HERC2: variants seen among roughly 807,000 people sequenced by gnomAD.
The protein encoded by HERC2 is HECT and RLD domain containing E3 ubiquitin protein ligase 2.
A neutral mutation model predicts 537.7 loss-of-function variants in HERC2; 102 were observed. That is an observed-to-expected ratio of 0.19 (90% confidence interval 0.16 to 0.22). HERC2 has a LOEUF of 0.22. Ranked by LOEUF, HERC2 falls within the 10% of genes least tolerant of loss-of-function variation. HERC2 has a pLI of 1.00. For missense variants in HERC2, 4,236 were observed against 6,198.2 expected (o/e 0.68, Z 10.63); for synonymous variants, 2,224 against 2,466.2 (o/e 0.90, Z 2.91).
intron 8 of HERC2, 94 bp from the exon 9 acceptor site, chr15:28,272,480 G>T (rs2075762467): frequency 4.4e-6 from 5 of 1,137,008 alleles, no homozygotes; most frequent in Admixed American, 4.9e-5. Context: ...GGATAGAAGT[G>T]AACAAATACT....
chr15:28,313,308 G>A (rs563442640), intron 2 of HERC2, among the ~76,000 whole-genome samples: 1 of 152,088 alleles, frequency 6.6e-6, no homozygotes, highest in Admixed American at 6.5e-5. Context: ...CTCCCGAGTA[G>A]CTGGGACTAC....
rs186296662 is a variant in HERC2, at chr15:28,257,293, C to T, written c.2317-32G>A. 359 of 1,591,196 alleles carry T rather than the reference C, an allele frequency of 2.3e-4. No individual in the cohort carries two copies. Among genetic ancestry groups the T allele is most frequent in the Middle Eastern group, 1.3e-3 (8 of 6,022 alleles). On this transcript the variant is annotated intron_variant, in intron 16 of 92. Transcript: ENST00000261609. ...GGAAACGCAACAATCTAAAATGAAT[C>T]TCCAAATGCAGCTGCTGGTCTGCTC...
intron 69 of HERC2, among the ~76,000 whole-genome samples, chr15:28,158,251 T>C (rs1893216957): frequency 1.3e-5 from 2 of 152,314 alleles, no homozygotes; most frequent in South Asian, 2.1e-4. Context: ...GTCTATTAGG[T>C]TGGCTTGATG....
At chr15:28,247,708 G>A (rs1341605371) in intron 21 of HERC2, among the ~76,000 whole-genome samples, 4 of 151,974 alleles carry the variant, frequency 2.6e-5, no homozygotes, top group Non-Finnish European at 4.4e-5. Flanking sequence ...GATTACAGGC[G>A]TGAGCCACCA....
chr15:28,175,362 G>T (rs1895166771), intron 64 of HERC2, 150 bp downstream of exon 64: 4 of 793,834 alleles, frequency 5.0e-6, no homozygotes, highest in Non-Finnish European at 8.0e-6. Context: ...TGGGCAAAAG[G>T]AACAGGACCC....
At chr15:28,313,737 C>T (rs146412689) in intron 2 of HERC2, among the ~76,000 whole-genome samples, 1,989 of 152,052 alleles carry the variant, frequency 0.013, 26 homozygotes, top group Non-Finnish European at 0.019. Context: ...GTTCCTAGAA[C>T]AATTAGAAAG....
intron 69 of HERC2, among the ~76,000 whole-genome samples, chr15:28,154,515 A>G (rs1214061583): frequency 2.6e-5 from 4 of 152,188 alleles, no homozygotes; most frequent in Admixed American, 2.6e-4. Context: ...CCATGTGCAG[A>G]GTCGATCAGG....
At chr15:28,260,182 A>G (rs2075381325) in intron 16 of HERC2, among the ~76,000 whole-genome samples, 1 of 146,532 alleles carries the variant, frequency 6.8e-6, no homozygotes, top group South Asian at 2.1e-4. Flanking sequence ...TCCAAAAAAG[A>G]AAAAAAAAAA....
intron 19 of HERC2, 142 bp from the exon 20 acceptor site, chr15:28,254,660 T>C: frequency 1.8e-6 from 1 of 567,054 alleles, no homozygotes; most frequent in Non-Finnish European, 3.0e-6. Context: ...GGCCCCCATC[T>C]GCCTTGTTGG....
chr15:28,251,103 G>A (rs1369035906), intron 20 of HERC2, among the ~76,000 whole-genome samples: 1 of 152,138 alleles, frequency 6.6e-6, no homozygotes, highest in Non-Finnish European at 1.5e-5. Flanking sequence ...CACCTGCCGA[G>A]GACACCAATG....
intron 79 of HERC2, among the ~76,000 whole-genome samples, chr15:28,133,494 A>T (rs564105317): frequency 6.6e-6 from 1 of 152,094 alleles, no homozygotes; most frequent in Non-Finnish European, 1.5e-5. Context: ...ATGCTTTTGG[A>T]GTTCAATCTA....
chr15:28,259,690 C>T (rs1215916833), intron 16 of HERC2, among the ~76,000 whole-genome samples: 1 of 151,828 alleles, frequency 6.6e-6, no homozygotes, highest in Non-Finnish European at 1.5e-5. Context: ...CACAGTGGCT[C>T]ACACCTGTAA....
Position 28,168,572 on chromosome 15 carries a change from G to A in HERC2, c.10248C>T (p.Ala3416=). 6.2e-7 allele frequency: 1 copy of A among 1,613,940 alleles called. No individual in the cohort carries two copies. Among genetic ancestry groups the A allele is most frequent in the East Asian group, 2.2e-5 (1 of 44,880 alleles). ...GGGCGATCATGGCGGCCGGCATCAGGGCCCCGACAACAGCATCTCTGTCAG... is the reference window on the plus strand; with the variant it reads ...GGGCGATCATGGCGGCCGGCATCAGAGCCCCGACAACAGCATCTCTGTCAG... The part of the protein sequence containing the change: ...IMYARDAVVG[A]LMPAAMIAPV... The change falls in exon 67 of 93, where the codon GCC becomes GCT. Residue 3416 remains alanine, a synonymous_variant. Coordinates refer to ENST00000261609, the MANE Select transcript of HERC2 (RefSeq NM_004667.6).
Position 28,176,895 on chromosome 15 carries a change from CTT to C in HERC2, c.9432+53_9432+54del. ...TTCCTAGACTTGAAGCTTATTTTCT[CTT>C]GACATCTTCAGATGGTAAGCTTTCT... On this transcript the variant is annotated intron_variant, in intron 61 of 92. Transcript: ENST00000261609. This position sits in a 1 kb window ranked among gnomAD's most constrained non-coding sequence, Gnocchi z 5.0. 6.3e-7 allele frequency: 1 copy of C among 1,589,524 alleles called. No individual in the cohort carries two copies. Among genetic ancestry groups the C allele is most frequent in the Non-Finnish European group, 8.6e-7 (1 of 1,162,744 alleles).
chr15:28,270,809 T>C lies in HERC2; in HGVS notation c.1143A>G (p.Gln381=), dbSNP rs772699145. Residue 381 remains glutamine, a synonymous_variant, in exon 10 of 93, where the codon CAA becomes CAG. Transcript: ENST00000261609. The part of the protein sequence containing the change: ...ESFLRYLTLP[Q]DNELAIDLRQ... ...GCAGATCAATGGCAAGCTCGTTGTC[T>C]TGTGGAAGGGTGAGGTACCTCAGGA... The C allele has an allele frequency of 1.1e-5, 17 of 1,613,900 alleles. No individual in the cohort carries two copies. In the South Asian group the frequency reaches 1.9e-4, roughly 18 times the overall value.
In HERC2 at chr15:28,113,483, G is replaced by A; in HGVS notation, c.14019+90C>T. 8.2e-7 allele frequency: 1 copy of A among 1,220,882 alleles called. No homozygotes were observed. Among genetic ancestry groups the A allele is most frequent in the Non-Finnish European group, 1.2e-6 (1 of 833,086 alleles). The allele number at this position is 1,220,882 out of a possible 1,614,324, so 75.6% of individuals were successfully genotyped here. A position where few individuals can be genotyped will look rare whatever the true frequency, so the allele number is the denominator to read the frequency against. ...GCACTCCCTTCAGTCAACACACAGGGCAAGGTTCTGACTCTAACTGCTGTC... is the reference window on the plus strand; with the variant it reads ...GCACTCCCTTCAGTCAACACACAGGACAAGGTTCTGACTCTAACTGCTGTC... On this transcript the variant is annotated intron_variant, in intron 91 of 92. Coordinates refer to ENST00000261609, the MANE Select transcript of HERC2 (RefSeq NM_004667.6). The surrounding 1 kb of genome is among the most constrained non-coding windows in gnomAD (Gnocchi z 7.0).
chr15:28,321,177 C>T (rs1466904645), intron 2 of HERC2, among the ~76,000 whole-genome samples, 185 bp downstream of exon 2: 1 of 152,104 alleles, frequency 6.6e-6, no homozygotes, highest in Non-Finnish European at 1.5e-5. Context: ...TAAAAGGCAG[C>T]CGCGCACGAT....
At position 28,173,509 on chromosome 15, in the gene HERC2, T is replaced by C. The variant is rs545459911; in HGVS notation, c.10057+886A>G. Among the ~76,000 whole-genome samples, 4 of 152,202 alleles carry C rather than the reference T, an allele frequency of 2.6e-5. No homozygotes were observed. In the South Asian group the frequency reaches 8.3e-4, roughly 32 times the overall value. ...TCTATTTATAGTAAGCTGTACAACATGCAAACTGGTCTGCCACGGTGGCTC... is the reference window on the plus strand; with the variant it reads ...TCTATTTATAGTAAGCTGTACAACACGCAAACTGGTCTGCCACGGTGGCTC... On this transcript the variant is annotated intron_variant, in intron 65 of 92. Coordinates refer to ENST00000261609, the MANE Select transcript of HERC2 (RefSeq NM_004667.6).
intron 71 of HERC2, 100 bp from the exon 72 acceptor site, chr15:28,144,904 A>C: frequency 6.7e-7 from 1 of 1,492,434 alleles, no homozygotes; most frequent in Admixed American, 1.8e-5. Context: ...TCACGTGTGA[A>C]GAGCAAGTTC....
Sources: allele counts gnomAD v4.1 joint callset (sites outside exome capture counted in the v4.1 genomes callset), GRCh38; gene constraint gnomAD v4.1.1; non-coding constraint Gnocchi (gnomAD v3.1); transcripts MANE v1.5; gene names NCBI Gene and HGNC (gene_info 2026-07-23, HGNC 2026-07-21).